The following EPHA10 variants were observed in gnomAD, a reference collection of about 807,000 sequenced individuals.
EPHA10 encodes EPH receptor A10, also known as ephrin type-A receptor 10.
A neutral mutation model predicts 109.7 loss-of-function variants in EPHA10; 120 were observed. The ratio of observed to expected loss-of-function variants is 1.09; its 90% CI spans 0.94 to 1.27. The LOEUF is 1.27. Ranked by LOEUF, EPHA10 falls within the 50% of genes most tolerant of loss-of-function variation. EPHA10 has a pLI of 0.00. For synonymous variants in EPHA10, 640 were observed against 618.9 expected, an observed-to-expected ratio of 1.03 and a Z score of -0.51; for missense variants, 1,396 against 1,411.1, an observed-to-expected ratio of 0.99 and a Z score of 0.17.
chr1:37,752,894 C>T lies in EPHA10; in HGVS notation c.1339G>A (p.Val447Ile), dbSNP rs1194109259. The T allele has an allele frequency of 7.7e-7, 1 of 1,302,498 alleles. No homozygotes were observed. Among genetic ancestry groups the T allele is most frequent in the Non-Finnish European group, 9.7e-7 (1 of 1,029,182 alleles). The allele number at this position is 1,302,498 out of a possible 1,614,324, so 80.7% of individuals were successfully genotyped here. The change falls in exon 5 of 17, where the codon GTC becomes ATC. Residue 447 changes from valine (V) to isoleucine (I), a missense_variant. Coordinates refer to ENST00000373048, the MANE Select transcript of EPHA10 (RefSeq NM_001099439.2). ...AAGTTYAQVT[V>I]STGPGAPWEE... ...GCCTTACCCCCGGGCCCGGTGGAGA[C>T]GGTGACCTGCGCGTAGGTGGTTCCC...
intron 5 of EPHA10, among the ~76,000 whole-genome samples, chr1:37,741,087 A>G (rs1446658217): frequency 2.6e-5 from 4 of 152,142 alleles, no homozygotes; most frequent in African/African-American, 9.7e-5. Context: ...TTAGCCCACT[A>G]TTGGTCCACA....
intron 3 of EPHA10, among the ~76,000 whole-genome samples, chr1:37,755,121 G>A (rs891856820): frequency 2.0e-5 from 3 of 152,052 alleles, no homozygotes; most frequent in African/African-American, 7.2e-5. Flanking sequence ...TTAAAATGAG[G>A]GAGCTAAGGC....
chr1:37,724,357 G>A (rs894365302), intron 8 of EPHA10, among the ~76,000 whole-genome samples: 6 of 152,180 alleles, frequency 3.9e-5, no homozygotes, highest in African/African-American at 1.4e-4. Flanking sequence ...TAAGACGGGC[G>A]TTCGACGTGT....
chr1:37,753,081 G>C lies in EPHA10; in HGVS notation c.1152C>G (p.Gly384=), dbSNP rs934053270. 6.7e-4 allele frequency: 878 copies of C among 1,303,842 alleles called. No homozygotes were observed. The highest frequency in any genetic ancestry group is 8.1e-4 in the Non-Finnish European group (832 of 1,026,252). 80.8% of individuals were successfully genotyped at this position (1,303,842 alleles called of 1,614,324 possible). The change falls in exon 5 of 17, where the codon GGC becomes GGG. Residue 384 remains glycine (G), a synonymous_variant. Coordinates refer to ENST00000373048, the MANE Select transcript of EPHA10 (RefSeq NM_001099439.2). ...SLLCLRCGRE[G]PAGACEPCGP... is the part of the protein sequence containing the mutation. ...CGCACGGCTCGCAGGCGCCCGCCGG[G>C]CCCTCGCGGCCGCAGCGCAGGCACA...
intron 5 of EPHA10, among the ~76,000 whole-genome samples, chr1:37,748,722 C>T (rs1379146877): frequency 3.3e-5 from 5 of 151,554 alleles, no homozygotes; most frequent in East Asian, 3.9e-4. Flanking sequence ...TTCATCATAC[C>T]GACAGGTCAA....
intron 8 of EPHA10, among the ~76,000 whole-genome samples, chr1:37,726,110 T>C (rs1288889194): frequency 6.6e-6 from 1 of 152,206 alleles, no homozygotes; most frequent in South Asian, 2.1e-4. Flanking sequence ...GCTCTTGGCT[T>C]GCTTGTCTCC....
At chr1:37,731,160 G>C (rs1359334704) in intron 7 of EPHA10, among the ~76,000 whole-genome samples, 1 of 152,184 alleles carries the variant, frequency 6.6e-6, no homozygotes, top group African/African-American at 2.4e-5. Flanking sequence ...GGTTATAGCT[G>C]TTCACAAATC....
intron 11 of EPHA10, among the ~76,000 whole-genome samples, chr1:37,721,212 G>A (rs1275865598): frequency 6.7e-6 from 1 of 148,522 alleles, no homozygotes; most frequent in Non-Finnish European, 1.5e-5. Flanking sequence ...GAGGTCAGGA[G>A]ATCAAGACCA....
chr1:37,734,985 G>A (rs572698675), intron 6 of EPHA10, among the ~76,000 whole-genome samples: 7 of 152,224 alleles, frequency 4.6e-5, no homozygotes, highest in African/African-American at 1.7e-4. Context: ...AATCTGGACC[G>A]GGCCCCAGAG....
At chr1:37,728,087 CA>C (rs972230752) in intron 7 of EPHA10, among the ~76,000 whole-genome samples, 32 of 152,188 alleles carry the variant, frequency 2.1e-4, no homozygotes, top group Middle Eastern at 3.4e-3. Context: ...GAAGGCTTCA[CA>C]AAAAAAGGTG....
intron 5 of EPHA10, 78 bp downstream of exon 5, chr1:37,752,798 G>T: frequency 9.4e-7 from 1 of 1,065,920 alleles, no homozygotes; most frequent in Non-Finnish European, 1.2e-6. Context: ...GCTCCCGCAG[G>T]ACCGACGGGG....
chr1:37,718,982 GGGCTTCAGGTTCTTCA>G, intron 15 of EPHA10, 166 bp from the exon 16 acceptor site: 1 of 895,372 alleles, frequency 1.1e-6, no homozygotes, highest in Admixed American at 2.9e-5. Flanking sequence ...GAAGAAGCGA[GGGCTTCAGGTTCTTCA>G]GGCAGGTGGA....
chr1:37,743,135 T>C (rs2148348561), intron 5 of EPHA10, among the ~76,000 whole-genome samples: 1 of 152,290 alleles, frequency 6.6e-6, no homozygotes, highest in African/African-American at 2.4e-5. Context: ...ACACCAGCTA[T>C]TTCCTTACTC....
intron 7 of EPHA10, among the ~76,000 whole-genome samples, chr1:37,728,329 G>A (rs1379289511): frequency 6.6e-6 from 1 of 152,180 alleles, no homozygotes; most frequent in Non-Finnish European, 1.5e-5. Context: ...GTGGGTGACA[G>A]GGAGCAGTGG....
chr1:37,721,905 G>T lies in EPHA10; in HGVS notation c.1961-60C>A. The T allele has an allele frequency of 2.1e-6, 3 of 1,421,986 alleles. No individual in the cohort carries two copies. The South Asian group carries it at 4.5e-5, about 22-fold the overall frequency. 88.1% of individuals were successfully genotyped at this position (1,421,986 alleles called of 1,614,324 possible). A position where few individuals can be genotyped will look rare whatever the true frequency, so the allele number is the denominator to read the frequency against. On this transcript the variant is annotated intron_variant, in intron 10 of 16. Coordinates refer to ENST00000373048, the MANE Select transcript of EPHA10 (RefSeq NM_001099439.2). ...GCCACTGCCCTGGCTGAGCTGGGCAGGCTGAGCCGAGGAGAAAGTGACTCT... is the reference window on the plus strand; with the variant it reads ...GCCACTGCCCTGGCTGAGCTGGGCATGCTGAGCCGAGGAGAAAGTGACTCT...
In EPHA10 at chr1:37,762,359, C is replaced by T. The variant is rs75546981; in HGVS notation, c.172-276G>A. The stretch of plus-strand genomic sequence containing the variant: ...TGCCTGTAGTTTCCTGACTCTCTGA[C>T]CAGTGCCCTTTGCACTCCACCAAGC... On this transcript the variant is annotated intron_variant, in intron 2 of 16. Transcript: ENST00000373048. 4.3e-4 allele frequency among the ~76,000 whole-genome samples: 66 copies of T among 152,292 alleles called. No homozygotes were observed. The East Asian group carries it at 0.011, about 26-fold the overall frequency.
intron 5 of EPHA10, among the ~76,000 whole-genome samples, chr1:37,740,055 A>G (rs957716843): frequency 1.3e-5 from 2 of 152,174 alleles, no homozygotes; most frequent in Non-Finnish European, 2.9e-5. Context: ...CAGCCTAAGC[A>G]ATACAGCAAG....
At chr1:37,757,060 C>G (rs1238360978) in intron 3 of EPHA10, among the ~76,000 whole-genome samples, 3 of 152,138 alleles carry the variant, frequency 2.0e-5, no homozygotes, top group African/African-American at 7.2e-5. Flanking sequence ...ACTCCTGGCT[C>G]AAGCAATCCT....
At chr1:37,734,535 AAAATAAAT>A (rs542758154) in intron 6 of EPHA10, 33 of 416,088 alleles carry the variant, frequency 7.9e-5, no homozygotes, top group South Asian at 2.1e-4. Flanking sequence ...ACTCTGTCTC[AAAATAAAT>A]AAATAAATAA....
Sources: allele counts gnomAD v4.1 joint callset (sites outside exome capture counted in the v4.1 genomes callset), GRCh38; gene constraint gnomAD v4.1.1; transcripts MANE v1.5; gene names NCBI Gene and HGNC (gene_info 2026-07-23, HGNC 2026-07-21).